The following GABBR2 variants were observed in gnomAD, a reference collection of about 807,000 sequenced individuals.
GABBR2 encodes gamma-aminobutyric acid type B receptor subunit 2.
GABBR2 carries 23 observed loss-of-function variants against 105.6 expected under a neutral mutation model. The observed-to-expected ratio is 0.22, with a 90% CI of 0.16 to 0.31. The LOEUF (loss-of-function observed/expected upper bound fraction) is 0.31, where lower values mean the gene tolerates loss of function less well. Among genes scored for constraint, GABBR2 ranks in the 10% least tolerant of loss-of-function variants. The probability of loss-of-function intolerance (pLI) is 1.00; values close to 1 mark genes in which losing one functional copy is unlikely to be tolerated. For missense variants in GABBR2, 734 were observed against 1,245.5 expected (o/e 0.59, Z 6.18); for synonymous variants, 478 against 499.7 (o/e 0.96, Z 0.58).
intron 1 of GABBR2, among the ~76,000 whole-genome samples, chr9:98,681,819 T>C (rs1328139205): frequency 6.6e-6 from 1 of 151,986 alleles, no homozygotes; most frequent in Non-Finnish European, 1.5e-5. Context: ...CAAAAGGAGA[T>C]ATAAGTGGGT....
chr9:98,618,486 ATCTCTCTCTCTCTC>A (rs10611275), intron 1 of GABBR2, among the ~76,000 whole-genome samples: 18 of 145,182 alleles, frequency 1.2e-4, no homozygotes, highest in South Asian at 4.5e-4. Context: ...GGTCTGCTGC[ATCTCTCTCTCTCTC>A]TCTCTCTCTC....
rs563370656 is a variant in GABBR2 at position 98,671,310 on chromosome 9, C to T, written c.321+37107G>A. On this transcript the variant is annotated intron_variant, in intron 1 of 18. Transcript: ENST00000259455. ...TAATGTTTTTAAGGCCCATCCATGTCGTAGCATGCATCAGTACTCCATTCC... is the reference window on the plus strand; with the variant it reads ...TAATGTTTTTAAGGCCCATCCATGTTGTAGCATGCATCAGTACTCCATTCC... Among the ~76,000 whole-genome samples the T allele has an allele frequency of 3.3e-5, 5 of 152,278 alleles. No homozygotes were observed. The South Asian group carries it at 6.2e-4, about 19-fold the overall frequency.
At chr9:98,318,783 C>T (rs1424022861) in intron 13 of GABBR2, among the ~76,000 whole-genome samples, 1 of 152,146 alleles carries the variant, frequency 6.6e-6, no homozygotes, top group Non-Finnish European at 1.5e-5. Context: ...CTGGGCCATA[C>T]CTGCCTCTTT....
chr9:98,500,699 T>TA (rs1827380858), intron 3 of GABBR2, among the ~76,000 whole-genome samples: 1 of 152,112 alleles, frequency 6.6e-6, no homozygotes, highest in Non-Finnish European at 1.5e-5. Context: ...TTGGAGGCAA[T>TA]AGTTGTTGAC....
rs565864981 is a variant in GABBR2, at chr9:98,318,694, C to G, written c.1894-7489G>C. Among the ~76,000 whole-genome samples, 533 of 152,316 alleles carry G rather than the reference C, an allele frequency of 3.5e-3. 1 individual carries two copies. Among genetic ancestry groups the G allele is most frequent in the Non-Finnish European group, 5.3e-3 (358 of 68,026 alleles). ...TTCCTAGGCCCAGCCCAGCCCGGCCCGGCCAGTGCTCCTTTGAGGGAGGGG... is the reference window on the plus strand; with the variant it reads ...TTCCTAGGCCCAGCCCAGCCCGGCCGGGCCAGTGCTCCTTTGAGGGAGGGG... On this transcript the variant is annotated intron_variant, in intron 13 of 18. Transcript: ENST00000259455.
intron 7 of GABBR2, among the ~76,000 whole-genome samples, chr9:98,407,897 T>C (rs1351916492): frequency 1.3e-5 from 2 of 152,150 alleles, no homozygotes; most frequent in Admixed American, 1.3e-4. Context: ...ATATAACTAT[T>C]TTGTACTAAC....
chr9:98,318,917 G>T (rs200065736), intron 13 of GABBR2, among the ~76,000 whole-genome samples: 2,576 of 142,626 alleles, frequency 0.018, 37 homozygotes, highest in Middle Eastern at 0.033. Context: ...GTGTGTGTTG[G>T]GGGTGTGTGT....
chr9:98,455,981 C>T (rs978602180), intron 6 of GABBR2, among the ~76,000 whole-genome samples: 2 of 152,198 alleles, frequency 1.3e-5, no homozygotes, highest in Non-Finnish European at 1.5e-5. Flanking sequence ...GCTACCACCA[C>T]TCTGCTCATC....
intron 1 of GABBR2, among the ~76,000 whole-genome samples, chr9:98,580,285 C>T (rs1273136505): frequency 6.6e-6 from 1 of 152,160 alleles, no homozygotes; most frequent in African/African-American, 2.4e-5. Context: ...AAATATTTCC[C>T]ACCCCCATTC....
chr9:98,583,198 C>G (rs991136472), intron 1 of GABBR2, among the ~76,000 whole-genome samples: 1 of 152,214 alleles, frequency 6.6e-6, no homozygotes, highest in African/African-American at 2.4e-5. Context: ...CAAAATAAAT[C>G]ACATGGATAT....
chr9:98,292,427 A>C (rs1830316516), intron 18 of GABBR2, among the ~76,000 whole-genome samples: 1 of 152,182 alleles, frequency 6.6e-6, no homozygotes, highest in Non-Finnish European at 1.5e-5. Flanking sequence ...GGGCAGCCTT[A>C]TCCCAACTGG....
intron 13 of GABBR2, among the ~76,000 whole-genome samples, chr9:98,323,253 C>G (rs1167646524): frequency 6.6e-6 from 1 of 152,252 alleles, no homozygotes; most frequent in Admixed American, 6.5e-5. Flanking sequence ...CACGACAGTG[C>G]TCTCCTCCGC....
chr9:98,565,972 A>G (rs904997487), intron 2 of GABBR2, among the ~76,000 whole-genome samples: 1 of 152,224 alleles, frequency 6.6e-6, no homozygotes, highest in Non-Finnish European at 1.5e-5. Flanking sequence ...CTGTCCGCAG[A>G]GCACCTGCCC....
At chr9:98,520,688 G>C (rs143744594) in intron 3 of GABBR2, among the ~76,000 whole-genome samples, 1 of 152,328 alleles carries the variant, frequency 6.6e-6, no homozygotes, top group Admixed American at 6.5e-5. Flanking sequence ...TGGAGGCAGG[G>C]GAATGGTTTC....
chr9:98,666,235 C>T (rs1199919114), intron 1 of GABBR2, among the ~76,000 whole-genome samples: 4 of 152,162 alleles, frequency 2.6e-5, no homozygotes, highest in African/African-American at 9.7e-5. Flanking sequence ...CAGGAAGGAA[C>T]CTAACGAACC....
At position 98,636,220 on chromosome 9, in the gene GABBR2, G is replaced by A. The variant is rs374479460; in HGVS notation, c.322-58148C>T. On this transcript the variant is annotated intron_variant, in intron 1 of 18. Coordinates refer to ENST00000259455, the MANE Select transcript of GABBR2 (RefSeq NM_005458.8). ...ATTTCAAGTCTCCATCAAAGTACCC[G>A]GCAAAAATGAAAGGCCAAGAATTTT... 2.4e-3 allele frequency among the ~76,000 whole-genome samples: 359 copies of A among 152,190 alleles called. 15 individuals carry two copies. The South Asian group carries it at 0.072, about 31-fold the overall frequency.
intron 13 of GABBR2, among the ~76,000 whole-genome samples, chr9:98,353,519 T>C (rs894867307): frequency 6.6e-6 from 1 of 152,190 alleles, no homozygotes. Context: ...TTTGCCCAGA[T>C]CCATCAGAGA....
At chr9:98,666,341 G>T (rs1229397866) in intron 1 of GABBR2, among the ~76,000 whole-genome samples, 1 of 152,160 alleles carries the variant, frequency 6.6e-6, no homozygotes, top group Non-Finnish European at 1.5e-5. Context: ...GGTCGGAATG[G>T]CTCCACTCAG....
In GABBR2 at chr9:98,630,277, T is replaced by C. The variant is rs561285217; in HGVS notation, c.322-52205A>G. Among the ~76,000 whole-genome samples, 9 of 152,292 alleles carry C rather than the reference T, an allele frequency of 5.9e-5. 1 individual carries two copies. In the South Asian group the frequency reaches 1.9e-3, roughly 32 times the overall value. On this transcript the variant is annotated intron_variant, in intron 1 of 18. Coordinates refer to ENST00000259455, the MANE Select transcript of GABBR2 (RefSeq NM_005458.8). ...CTGACTTAAATCCCCCTGGCACTAG[T>C]CTTTCTGGGCCTTAATTTTCACATC...
Sources: allele counts gnomAD v4.1 joint callset (sites outside exome capture counted in the v4.1 genomes callset), GRCh38; gene constraint gnomAD v4.1.1; transcripts MANE v1.5; gene names NCBI Gene and HGNC (gene_info 2026-07-23, HGNC 2026-07-21).